NBEAL1: variants seen among roughly 807,000 people sequenced by gnomAD.
NBEAL1 encodes neurobeachin like 1.
Under a neutral mutation model 351.3 loss-of-function variants are expected in NBEAL1, and 273 were observed. The observed-to-expected ratio is 0.78, with a 90% CI of 0.70 to 0.86. NBEAL1 has a LOEUF of 0.86. Ranked by LOEUF, NBEAL1 falls within the 40% of genes least tolerant of loss-of-function variation. NBEAL1 has a pLI of 0.00. For synonymous variants in NBEAL1, 1,050 were observed against 1,086.4 expected (o/e 0.97, Z 0.66); for missense variants, 2,961 against 3,201.3 (o/e 0.92, Z 1.81).
At chr2:203,142,626 G>A (rs1264996378) in intron 31 of NBEAL1, among the ~76,000 whole-genome samples, 1 of 152,144 alleles carries the variant, frequency 6.6e-6, no homozygotes, top group Non-Finnish European at 1.5e-5. Context: ...TTAAATAAAT[G>A]TGTAAACTTA....
At chr2:203,019,242 C>T (rs944642187) in intron 2 of NBEAL1, among the ~76,000 whole-genome samples, 3 of 152,230 alleles carry the variant, frequency 2.0e-5, no homozygotes, top group Admixed American at 6.5e-5. Context: ...ATTAGTGTAG[C>T]GGCCATCTGT....
chr2:203,083,209 A>C lies in NBEAL1; in HGVS notation c.685-10A>C, dbSNP rs1312741062. ...TTTAGGTTTCATTTTTATTGTCTCT[A>C]ATGTTTCAGAGGAATGCTTTGCAAG... On this transcript the variant is annotated splice_polypyrimidine_tract_variant and intron_variant, in intron 8 of 55. Transcript: ENST00000683969. 6.5e-7 allele frequency: 1 copy of C among 1,545,348 alleles called. No homozygotes were observed. The highest frequency in any genetic ancestry group is 1.4e-5 in the African/African-American group (1 of 72,970).
intron 12 of NBEAL1, 124 bp from the exon 13 acceptor site, chr2:203,107,296 G>A (rs1455880414): frequency 3.7e-5 from 18 of 493,000 alleles, no homozygotes; most frequent in South Asian, 5.4e-5. Flanking sequence ...TAGTGAATTC[G>A]TGTCTTTTTC....
At chr2:203,098,997 G>A (rs1322088961) in intron 11 of NBEAL1, among the ~76,000 whole-genome samples, 1 of 152,106 alleles carries the variant, frequency 6.6e-6, no homozygotes, top group African/African-American at 2.4e-5. Flanking sequence ...ATTTCTGGCT[G>A]GGCATGGTGG....
intron 44 of NBEAL1, among the ~76,000 whole-genome samples, chr2:203,187,377 T>TTG (rs2064933389): frequency 6.7e-6 from 1 of 150,328 alleles, no homozygotes; most frequent in Non-Finnish European, 1.5e-5. Flanking sequence ...GTTTTTTTTT[T>TTG]TTTTTTTTTT....
chr2:203,186,453 C>T (rs943840817), intron 44 of NBEAL1, among the ~76,000 whole-genome samples: 7 of 152,096 alleles, frequency 4.6e-5, no homozygotes, highest in African/African-American at 1.4e-4. Flanking sequence ...TCCTAGCAGT[C>T]ACAAATACAA....
chr2:203,193,990 GAAGT>G, intron 47 of NBEAL1, 79 bp downstream of exon 47: 1 of 732,756 alleles, frequency 1.4e-6, no homozygotes, highest in Non-Finnish European at 2.3e-6. Flanking sequence ...TATTTAATGG[GAAGT>G]AAGGATTATA....
At position 203,219,178 on chromosome 2, in the gene NBEAL1, C is replaced by T. The variant is rs899659866; in HGVS notation, c.*1824C>T. ...TACAGTTTTTTAGGAGATTTCAAGT[C>T]GGCAGAACTAACATGATTGATTTTT... On this transcript the variant is annotated 3_prime_UTR_variant, in exon 56 of 56. Transcript: ENST00000683969. The T allele has an allele frequency of 4.6e-5, 7 of 151,708 alleles. No homozygotes were observed. Among genetic ancestry groups the T allele is most frequent in the Admixed American group, 6.6e-5 (1 of 15,208 alleles). The allele number at this position is 151,708 out of a possible 1,614,324, so 9.4% of individuals were successfully genotyped here. A position where few individuals can be genotyped will look rare whatever the true frequency, so the allele number is the denominator to read the frequency against.
intron 36 of NBEAL1, among the ~76,000 whole-genome samples, chr2:203,160,262 G>C (rs1380757045): frequency 1.3e-5 from 2 of 151,900 alleles, no homozygotes; most frequent in Non-Finnish European, 2.9e-5. Context: ...TGTACTTTTA[G>C]TAGAGACGGG....
At chr2:203,145,797 C>CAAA (rs56382460) in intron 33 of NBEAL1, among the ~76,000 whole-genome samples, 37 of 86,068 alleles carry the variant, frequency 4.3e-4, no homozygotes, top group Admixed American at 8.0e-4. Flanking sequence ...GACTCCATCT[C>CAAA]AAAAAAAAAA....
At chr2:203,033,490 T>C (rs1203410354) in intron 2 of NBEAL1, among the ~76,000 whole-genome samples, 1 of 152,230 alleles carries the variant, frequency 6.6e-6, no homozygotes, top group Non-Finnish European at 1.5e-5. Context: ...ATACTTTTAA[T>C]TGAGAATCTG....
intron 32 of NBEAL1, 45 bp downstream of exon 32, chr2:203,144,950 A>G (rs1419839017): frequency 1.3e-6 from 2 of 1,517,248 alleles, no homozygotes; most frequent in African/African-American, 1.4e-5. Context: ...CTAATTTACC[A>G]TTTTTATAGA....
intron 2 of NBEAL1, among the ~76,000 whole-genome samples, chr2:203,026,676 A>G (rs941795099): frequency 1.1e-4 from 17 of 151,958 alleles, no homozygotes; most frequent in Admixed American, 9.8e-4. Context: ...CACCATGCCC[A>G]GCTAATTTTT....
At chr2:203,018,088 G>A (rs1479462671) in intron 2 of NBEAL1, among the ~76,000 whole-genome samples, 1 of 152,054 alleles carries the variant, frequency 6.6e-6, no homozygotes, top group Non-Finnish European at 1.5e-5. Context: ...CTCTTCTGCA[G>A]ACACCTTGAA....
rs1051974882 is a variant in NBEAL1 at position 203,217,922 on chromosome 2, G to T, written c.*568G>T. ...TTAGCTAATTCTATTACTACTTAGC[G>T]TGTTTCTAATGAGAAGTTACTGAAA... On this transcript the variant is annotated 3_prime_UTR_variant, in exon 56 of 56. Transcript: ENST00000683969. 2.3e-5 allele frequency: 22 copies of T among 969,704 alleles called. No individual in the cohort carries two copies. In the African/African-American group the frequency reaches 3.9e-4, roughly 17 times the overall value. The allele number at this position is 969,704 out of a possible 1,614,324, so 60.1% of individuals were successfully genotyped here. A position where few individuals can be genotyped will look rare whatever the true frequency, so the allele number is the denominator to read the frequency against.
At chr2:203,014,780 A>G (rs4675309), upstream of NBEAL1, 136,252 of 152,360 alleles carry the variant, frequency 0.89, 61,507 homozygotes, top group Non-Finnish European at 0.95. Context: ...GCTGCCGCCC[A>G]ACGGCTGGGT....
chr2:203,177,631 A>T (rs777565558), intron 42 of NBEAL1, among the ~76,000 whole-genome samples: 1 of 152,214 alleles, frequency 6.6e-6, no homozygotes, highest in Non-Finnish European at 1.5e-5. Flanking sequence ...GCTGAAGAGC[A>T]TGTGGAGAAA....
intron 46 of NBEAL1, 24 bp from the exon 47 acceptor site, chr2:203,193,771 T>C (rs947188972): frequency 6.6e-7 from 1 of 1,519,586 alleles, no homozygotes; most frequent in Non-Finnish European, 9.1e-7. Flanking sequence ...TATGGAATTG[T>C]TTTTCCTTAA....
At chr2:203,156,971 T>G (rs1442265541) in intron 35 of NBEAL1, among the ~76,000 whole-genome samples, 2 of 152,180 alleles carry the variant, frequency 1.3e-5, no homozygotes, top group Non-Finnish European at 2.9e-5. Flanking sequence ...ATATTTAATG[T>G]GTACCAGATG....
Sources: gnomAD v4.1 joint callset for allele counts (sites outside exome capture counted in the v4.1 genomes callset) on GRCh38, gnomAD v4.1.1 for gene constraint, MANE v1.5 for transcripts, NCBI Gene and HGNC (gene_info 2026-07-23, HGNC 2026-07-21) for gene names.